CDC42BPA: variants seen among roughly 807,000 people sequenced by gnomAD.
CDC42BPA encodes serine/threonine-protein kinase MRCK alpha.
CDC42BPA carries 80 observed loss-of-function variants against 223.5 expected under a neutral mutation model. The observed-to-expected ratio is 0.36, with a 90% confidence interval of 0.30 to 0.43. The LOEUF is 0.43. Ranked by LOEUF, CDC42BPA falls within the 20% of genes least tolerant of loss-of-function variation. The pLI is 1.00. For missense variants in CDC42BPA, 1,743 were observed against 2,099.9 expected (o/e 0.83, Z 3.32); for synonymous variants, 694 against 718.6 (o/e 0.97, Z 0.55).
chr1:227,292,863 A>T (rs1689930492), intron 1 of CDC42BPA, among the ~76,000 whole-genome samples: 1 of 152,166 alleles, frequency 6.6e-6, no homozygotes, highest in Non-Finnish European at 1.5e-5. Flanking sequence ...TCTCTCCTGA[A>T]CATTCTACCT....
chr1:227,152,889 T>A (rs1662041443), intron 6 of CDC42BPA, among the ~76,000 whole-genome samples: 1 of 152,038 alleles, frequency 6.6e-6, no homozygotes, highest in South Asian at 2.1e-4. Flanking sequence ...ATATCAGGCA[T>A]ATGATAAAGA....
intron 23 of CDC42BPA, among the ~76,000 whole-genome samples, chr1:227,043,987 G>A (rs1671909097): frequency 6.6e-6 from 1 of 152,100 alleles, no homozygotes; most frequent in Non-Finnish European, 1.5e-5. Flanking sequence ...CACGTGTGAA[G>A]CTGCCTGTTT....
At chr1:227,028,169 T>C (rs933911787) in intron 30 of CDC42BPA, among the ~76,000 whole-genome samples, 2 of 152,090 alleles carry the variant, frequency 1.3e-5, no homozygotes, top group African/African-American at 4.8e-5. Context: ...TAATATTTCT[T>C]GAAGGGGTAA....
In CDC42BPA at chr1:227,035,494, T is replaced by C. The variant is rs778421367; in HGVS notation, c.3313A>G (p.Thr1105Ala). 1.2e-6 allele frequency: 2 copies of C among 1,610,790 alleles called. No individual in the cohort carries two copies. Among genetic ancestry groups the C allele is most frequent in the Non-Finnish European group, 1.7e-6 (2 of 1,178,946 alleles). The change falls in exon 25 of 37, where the codon ACA (threonine) becomes GCA (alanine). Residue 1105 changes from threonine (T) to alanine (A), a missense_variant. Coordinates refer to ENST00000366766, the MANE Select transcript of CDC42BPA (RefSeq NM_001394014.1). ...ACCCTGACATGACCTTCATATGCTG[T>C]TCCTATTCCTTTCTGAGGATCTATA... ...LGIDPQKGIG[T>A]AYEGHVRIPK...
intron 21 of CDC42BPA, among the ~76,000 whole-genome samples, chr1:227,056,373 GTTTCTTTTCT>G (rs200929334): frequency 6.0e-5 from 9 of 150,024 alleles, no homozygotes; most frequent in South Asian, 4.2e-4. Context: ...AAAAGTCCCA[GTTTCTTTTCT>G]TTTCTTTTCT....
chr1:227,050,049 C>T (rs180792566), intron 22 of CDC42BPA, among the ~76,000 whole-genome samples: 1 of 152,054 alleles, frequency 6.6e-6, no homozygotes, highest in East Asian at 1.9e-4. Flanking sequence ...GACAAAAAGA[C>T]ACCACAAATA....
At chr1:227,046,854 C>T (rs1320708910) in intron 23 of CDC42BPA, among the ~76,000 whole-genome samples, 1 of 152,078 alleles carries the variant, frequency 6.6e-6, no homozygotes. Context: ...AAAAATCTTT[C>T]ACTTGTACTT....
chr1:227,313,922 T>A (rs989004092), intron 1 of CDC42BPA, among the ~76,000 whole-genome samples: 25 of 152,274 alleles, frequency 1.6e-4, no homozygotes, highest in African/African-American at 6.0e-4. Flanking sequence ...AATTTCTGTA[T>A]GTTACAAAGT....
chr1:227,256,595 C>T (rs187166595), intron 1 of CDC42BPA, among the ~76,000 whole-genome samples: 1 of 152,160 alleles, frequency 6.6e-6, no homozygotes, highest in East Asian at 1.9e-4. Flanking sequence ...GATACCACTT[C>T]ACAACCTCTA....
chr1:227,181,176 G>C lies in CDC42BPA; in HGVS notation c.599+12610C>G, dbSNP rs559270028. On this transcript the variant is annotated intron_variant, in intron 5 of 36. Transcript: ENST00000366766. ...TTAAAGTGCATCTATTCACTTTACA[G>C]ATGCATAGTGCATAGATGCACAAAT... Among the ~76,000 whole-genome samples the C allele has an allele frequency of 2.0e-5, 3 of 152,226 alleles. No individual in the cohort carries two copies. In the South Asian group the frequency reaches 6.2e-4, roughly 32 times the overall value.
chr1:227,143,668 C>T (rs1660117216), intron 8 of CDC42BPA, among the ~76,000 whole-genome samples: 1 of 152,194 alleles, frequency 6.6e-6, no homozygotes. Flanking sequence ...AGTTACAGTG[C>T]TGCTGGTGGT....
intron 3 of CDC42BPA, among the ~76,000 whole-genome samples, chr1:227,200,650 GTAT>G (rs1326019779): frequency 2.6e-5 from 4 of 150,984 alleles, no homozygotes; most frequent in African/African-American, 7.3e-5. Flanking sequence ...TTCCAGTTTT[GTAT>G]TATTATTATA....
chr1:227,166,748 G>C (rs938161010), intron 5 of CDC42BPA, among the ~76,000 whole-genome samples: 23 of 152,264 alleles, frequency 1.5e-4, no homozygotes, highest in Middle Eastern at 3.4e-3. Flanking sequence ...ATTCCCATTA[G>C]TGCTCACTAG....
intron 5 of CDC42BPA, among the ~76,000 whole-genome samples, chr1:227,185,991 C>T (rs554031838): frequency 6.6e-6 from 1 of 152,172 alleles, no homozygotes; most frequent in African/African-American, 2.4e-5. Flanking sequence ...AGTAAGGTCA[C>T]AGGGCAAACT....
chr1:227,032,847 G>T (rs1669541896), intron 27 of CDC42BPA, among the ~76,000 whole-genome samples: 1 of 152,202 alleles, frequency 6.6e-6, no homozygotes, highest in Admixed American at 6.5e-5. Context: ...TGAGCTGAAT[G>T]CAGTCACATC....
intron 34 of CDC42BPA, among the ~76,000 whole-genome samples, chr1:227,012,358 T>C (rs182052042): frequency 1.2e-4 from 18 of 152,292 alleles, no homozygotes; most frequent in Non-Finnish European, 2.1e-4. Flanking sequence ...ATATAGCATC[T>C]ATTTATAAGC....
In CDC42BPA at chr1:227,272,301, A is replaced by G. The variant is rs185027547; in HGVS notation, c.179-18146T>C. ...AAAGTAACCTACATATACCACAGATATATCAGAATTGGATATTTTTATGTT... is the reference window on the plus strand; with the variant it reads ...AAAGTAACCTACATATACCACAGATGTATCAGAATTGGATATTTTTATGTT... On this transcript the variant is annotated intron_variant, in intron 1 of 36. Coordinates refer to ENST00000366766, the MANE Select transcript of CDC42BPA (RefSeq NM_001394014.1). 1.4e-4 allele frequency among the ~76,000 whole-genome samples: 21 copies of G among 152,344 alleles called. No individual in the cohort carries two copies. In the East Asian group the frequency reaches 3.5e-3, roughly 25 times the overall value.
At chr1:227,297,041 T>G (rs969961370) in intron 1 of CDC42BPA, among the ~76,000 whole-genome samples, 5 of 152,178 alleles carry the variant, frequency 3.3e-5, no homozygotes, top group Admixed American at 2.6e-4. Context: ...AGGCTGGAAA[T>G]CTAAGAAATT....
chr1:227,315,224 T>A (rs939393774), intron 1 of CDC42BPA, among the ~76,000 whole-genome samples: 1 of 138,620 alleles, frequency 7.2e-6, no homozygotes, highest in Non-Finnish European at 1.6e-5. Context: ...GATATTTGGC[T>A]TATATAAAAA....
Sources: gnomAD v4.1 joint callset for allele counts (sites outside exome capture counted in the v4.1 genomes callset) on GRCh38, gnomAD v4.1.1 for gene constraint, MANE v1.5 for transcripts, NCBI Gene and HGNC (gene_info 2026-07-23, HGNC 2026-07-21) for gene names.